The following SYT16 variants were observed in gnomAD, a reference collection of about 807,000 sequenced individuals.
The protein encoded by SYT16 is synaptotagmin 16.
SYT16 carries 42 observed loss-of-function variants against 61.4 expected under a neutral mutation model. The ratio of observed to expected loss-of-function variants is 0.68; its 90% confidence interval spans 0.53 to 0.89. SYT16 has a LOEUF of 0.89. Ranked by LOEUF, SYT16 falls within the 40% of genes least tolerant of loss-of-function variation. The pLI is 0.00. For synonymous variants in SYT16, 314 were observed against 302.3 expected, an observed-to-expected ratio of 1.04 and a Z score of -0.40; for missense variants, 804 against 807.3, an observed-to-expected ratio of 1.00 and a Z score of 0.05.
chr14:62,082,804 C>T (rs78838321), intron 6 of SYT16, among the ~76,000 whole-genome samples: 5,658 of 152,240 alleles, frequency 0.037, 203 homozygotes, highest in East Asian at 0.17. Flanking sequence ...GCTGGTGGCA[C>T]GGAGTTGAAT....
intron 1 of SYT16, chr14:61,865,093 G>C: frequency 7.4e-7 from 1 of 1,357,956 alleles, no homozygotes; most frequent in Non-Finnish European, 1.1e-6. Context: ...GGCCCACTGT[G>C]ACTCATCTGC....
chr14:61,904,709 A>G (rs12894805), intron 1 of SYT16, among the ~76,000 whole-genome samples: 27,577 of 152,210 alleles, frequency 0.18, 2,968 homozygotes, highest in East Asian at 0.33. Context: ...GAGAATGCCC[A>G]CTGACATACT....
intron 1 of SYT16, among the ~76,000 whole-genome samples, chr14:61,918,919 A>G (rs2049225218): frequency 6.6e-6 from 1 of 152,178 alleles, no homozygotes; most frequent in African/African-American, 2.4e-5. Flanking sequence ...GGAGAGAATC[A>G]GGAGCTAGAA....
chr14:62,039,497 C>A (rs1360231195), intron 3 of SYT16, among the ~76,000 whole-genome samples: 2 of 151,996 alleles, frequency 1.3e-5, no homozygotes, highest in Non-Finnish European at 2.9e-5. Context: ...CAAGGACATG[C>A]AACCTGAAGA....
intron 1 of SYT16, among the ~76,000 whole-genome samples, chr14:61,883,649 G>T (rs1042798197): frequency 6.6e-6 from 1 of 152,116 alleles, no homozygotes; most frequent in Non-Finnish European, 1.5e-5. Context: ...CTGTTATCCA[G>T]TTCCAAATTT....
intron 1 of SYT16, among the ~76,000 whole-genome samples, chr14:61,947,315 T>C (rs1446198039): frequency 1.3e-5 from 2 of 151,172 alleles, no homozygotes; most frequent in East Asian, 3.9e-4. Flanking sequence ...TGTGTGTTTG[T>C]GTAAAATGAA....
intron 1 of SYT16, among the ~76,000 whole-genome samples, chr14:61,835,773 T>C (rs2046109615): frequency 6.6e-6 from 1 of 152,226 alleles, no homozygotes. Context: ...TACCAATTTA[T>C]ACTTTGATCA....
chr14:62,013,994 C>G (rs972794141), intron 3 of SYT16, among the ~76,000 whole-genome samples: 3 of 152,112 alleles, frequency 2.0e-5, no homozygotes, highest in African/African-American at 7.2e-5. Context: ...GACTATTCCC[C>G]CCATGAAATG....
Position 61,866,151 on chromosome 14 carries a change from G to GA in SYT16, c.-325+53351dup, listed in dbSNP as rs60665752. The stretch of plus-strand genomic sequence containing the variant: ...ATAAAGGAAACCACCTTTGTAGTCT[G>GA]AAAAAAAAAACTATTATGAATACTC... On this transcript the variant is annotated intron_variant, in intron 1 of 7. Coordinates refer to ENST00000683842, the MANE Select transcript of SYT16 (RefSeq NM_001367656.1). Among the ~76,000 whole-genome samples, 83 of 147,872 alleles carry GA rather than the reference G, an allele frequency of 5.6e-4. No individual in the cohort carries two copies. The East Asian group carries it at 7.1e-3, about 13-fold the overall frequency.
intron 3 of SYT16, among the ~76,000 whole-genome samples, chr14:62,002,185 T>C (rs1484781734): frequency 6.6e-6 from 1 of 152,108 alleles, no homozygotes; most frequent in Non-Finnish European, 1.5e-5. Context: ...CGATATTTTT[T>C]GCCTGGAAGT....
At chr14:62,006,796 A>C (rs1245712884) in intron 3 of SYT16, among the ~76,000 whole-genome samples, 1 of 152,096 alleles carries the variant, frequency 6.6e-6, no homozygotes, top group African/African-American at 2.4e-5. Context: ...CATTGTTTTC[A>C]GTTTTTTACC....
chr14:61,817,010 C>CAAAAA (rs1491408669), intron 1 of SYT16, among the ~76,000 whole-genome samples: 7 of 3,974 alleles, frequency 1.8e-3, no homozygotes, highest in Middle Eastern at 0.071. Flanking sequence ...GGCTCCGTCA[C>CAAAAA]ACACACACAC....
chr14:62,097,620 G>C (rs1199563560), intron 7 of SYT16, among the ~76,000 whole-genome samples: 1 of 152,164 alleles, frequency 6.6e-6, no homozygotes, highest in African/African-American at 2.4e-5. Context: ...CTAGAACAAT[G>C]AACATTTTCC....
At chr14:61,924,687 TGA>T (rs961942005) in intron 1 of SYT16, among the ~76,000 whole-genome samples, 1 of 152,208 alleles carries the variant, frequency 6.6e-6, no homozygotes, top group Admixed American at 6.5e-5. Context: ...CTCTTGCTTA[TGA>T]GAGACCTAGC....
At position 62,112,475 on chromosome 14, in the gene SYT16, A is replaced by G. The variant is rs1460296058; in HGVS notation, c.*11768A>G. On this transcript the variant is annotated 3_prime_UTR_variant, in exon 8 of 8. Coordinates refer to ENST00000683842, the MANE Select transcript of SYT16 (RefSeq NM_001367656.1). ...GCAACTGAATTCATGATAGTTCATG[A>G]AAACTGAAAATCATTCCAATTTTGT... The G allele has an allele frequency of 6.6e-6, 1 of 152,190 alleles. No individual in the cohort carries two copies. The highest frequency in any genetic ancestry group is 2.4e-5 in the African/African-American group (1 of 41,456). The allele number at this position is 152,190 out of a possible 1,614,324, so 9.4% of individuals were successfully genotyped here. A position where few individuals can be genotyped will look rare whatever the true frequency, so the allele number is the denominator to read the frequency against.
chr14:61,962,157 C>G (rs1018071916), intron 1 of SYT16, among the ~76,000 whole-genome samples: 1 of 152,048 alleles, frequency 6.6e-6, no homozygotes, highest in East Asian at 1.9e-4. Flanking sequence ...GAAAAACCAC[C>G]TATTGGATAC....
intron 1 of SYT16, among the ~76,000 whole-genome samples, chr14:61,889,079 T>A (rs1421113405): frequency 6.6e-6 from 1 of 152,154 alleles, no homozygotes; most frequent in African/African-American, 2.4e-5. Context: ...TAAGGCAGAC[T>A]TTATTCAAGG....
Position 62,101,376 on chromosome 14 carries a change from A to C in SYT16, c.*669A>C, listed in dbSNP as rs1199710716. On this transcript the variant is annotated 3_prime_UTR_variant, in exon 8 of 8. Coordinates refer to ENST00000683842, the MANE Select transcript of SYT16 (RefSeq NM_001367656.1). The stretch of plus-strand genomic sequence containing the variant: ...GAAGCAAGAAAAGAGTTCAGAAACT[A>C]CTGTTTTAAGACAACTTGTCTCCTT... 1 of 152,192 alleles carries C rather than the reference A, an allele frequency of 6.6e-6. No individual in the cohort carries two copies. Among genetic ancestry groups the C allele is most frequent in the African/African-American group, 2.4e-5 (1 of 41,462 alleles). The allele number at this position is 152,192 out of a possible 1,614,324, so 9.4% of individuals were successfully genotyped here. A position where few individuals can be genotyped will look rare whatever the true frequency, so the allele number is the denominator to read the frequency against.
At chr14:62,081,596 C>T (rs905634278) in intron 6 of SYT16, among the ~76,000 whole-genome samples, 1 of 152,196 alleles carries the variant, frequency 6.6e-6, no homozygotes. Flanking sequence ...CTCCTGCCCC[C>T]AATCTGCATC....
Sources: gnomAD v4.1 joint callset for allele counts (sites outside exome capture counted in the v4.1 genomes callset) on GRCh38, gnomAD v4.1.1 for gene constraint, MANE v1.5 for transcripts, NCBI Gene and HGNC (gene_info 2026-07-23, HGNC 2026-07-21) for gene names.